Variants in ZFHX4 observed in about 807,000 individuals in gnomAD.
ZFHX4 encodes the protein zinc finger homeobox protein 4.
ZFHX4 carries 56 observed loss-of-function variants against 267.6 expected under a neutral mutation model. The ratio of observed to expected loss-of-function variants is 0.21; its 90% CI spans 0.17 to 0.26. The LOEUF is 0.26. ZFHX4 is among the 10% of genes least tolerant of loss of function. The pLI is 1.00. For missense variants in ZFHX4, 4,332 were observed against 4,420.0 expected, an observed-to-expected ratio of 0.98 and a Z score of 0.56; for synonymous variants, 1,778 against 1,665.6, an observed-to-expected ratio of 1.07 and a Z score of -1.64.
At chr8:76,817,790 A>G (rs1811544845) in intron 4 of ZFHX4, among the ~76,000 whole-genome samples, 1 of 152,230 alleles carries the variant, frequency 6.6e-6, no homozygotes, top group Admixed American at 6.5e-5. Context: ...TTGAGCAAGA[A>G]TACCAGATAC....
At chr8:76,694,933 C>A (rs1381810763) in intron 1 of ZFHX4, among the ~76,000 whole-genome samples, 2 of 151,654 alleles carry the variant, frequency 1.3e-5, no homozygotes, top group East Asian at 3.9e-4. Flanking sequence ...GTCATCAGCT[C>A]ATTTGTCATG....
intron 5 of ZFHX4, chr8:76,833,630 C>T (rs572861871): frequency 3.4e-5 from 15 of 446,384 alleles, no homozygotes; most frequent in African/African-American, 2.9e-4. Context: ...CAGCAAATTT[C>T]CCCAATACCC....
chr8:76,864,628 C>A lies in ZFHX4; in HGVS notation c.*63C>A. On this transcript the variant is annotated 3_prime_UTR_variant, in exon 11 of 11. Coordinates refer to ENST00000651372, the MANE Select transcript of ZFHX4 (RefSeq NM_024721.5). Reference sequence around the variant, plus strand: ...ATAAAAAAATAAAAAAAAAATAAGACTTTAACTGCAGTTCCAAAGCTTCTC... The same window carrying A: ...ATAAAAAAATAAAAAAAAAATAAGAATTTAACTGCAGTTCCAAAGCTTCTC... 8.1e-7 allele frequency: 1 copy of A among 1,237,384 alleles called. No individual in the cohort carries two copies. Among genetic ancestry groups the A allele is most frequent in the Non-Finnish European group, 1.1e-6 (1 of 924,456 alleles). The allele number at this position is 1,237,384 out of a possible 1,614,324, so 76.7% of individuals were successfully genotyped here.
intron 4 of ZFHX4, among the ~76,000 whole-genome samples, chr8:76,823,539 T>A (rs545025335): frequency 1.3e-5 from 2 of 152,212 alleles, no homozygotes; most frequent in Admixed American, 6.5e-5. Context: ...TTCACTAACT[T>A]TTCCTTTCCA....
chr8:76,740,062 G>A (rs886572199), intron 3 of ZFHX4, among the ~76,000 whole-genome samples: 2 of 152,118 alleles, frequency 1.3e-5, no homozygotes, highest in Admixed American at 6.6e-5. Flanking sequence ...TTTATATATG[G>A]TGTATATGGC....
intron 5 of ZFHX4, among the ~76,000 whole-genome samples, chr8:76,838,360 A>G (rs1812146125): frequency 6.6e-6 from 1 of 152,216 alleles, no homozygotes; most frequent in Non-Finnish European, 1.5e-5. Flanking sequence ...CCAAGCACTA[A>G]GTGTTATGTA....
At chr8:76,707,415 C>T (rs1674586298) in intron 2 of ZFHX4, 131 bp from the exon 3 acceptor site, 1 of 794,012 alleles carries the variant, frequency 1.3e-6, no homozygotes, top group African/African-American at 1.7e-5. Flanking sequence ...CTGATTGAAT[C>T]CTATTACAGC....
intron 1 of ZFHX4, among the ~76,000 whole-genome samples, chr8:76,689,893 A>G (rs916118092): frequency 6.6e-6 from 1 of 152,118 alleles, no homozygotes; most frequent in Non-Finnish European, 1.5e-5. Context: ...TAACCACTTT[A>G]ACATTCTAGA....
chr8:76,856,037 T>C lies in ZFHX4; in HGVS notation c.9116T>C (p.Val3039Ala). 3.1e-6 allele frequency: 5 copies of C among 1,613,986 alleles called. No homozygotes were observed. The highest frequency in any genetic ancestry group is 4.2e-6 in the Non-Finnish European group (5 of 1,179,888). Residue 3039 changes from valine (V) to alanine (A), a missense_variant, in exon 10 of 11, where the codon GTT becomes GCT. Transcript: ENST00000651372. ...KQHISKVRET[V>A]GSQLDREKDY... ...CACATTTCAAAAGTGAGGGAGACCGTTGGCAGTCAGCTCGATCGGGAGAAA... is the reference window on the plus strand; with the variant it reads ...CACATTTCAAAAGTGAGGGAGACCGCTGGCAGTCAGCTCGATCGGGAGAAA...
chr8:76,837,508 C>A (rs889639418), intron 5 of ZFHX4, among the ~76,000 whole-genome samples: 8 of 147,766 alleles, frequency 5.4e-5, no homozygotes, highest in Non-Finnish European at 7.5e-5. Context: ...AAAAAAAAAA[C>A]CAAAGCCAGA....
At chr8:76,785,637 A>G (rs1046511535) in intron 4 of ZFHX4, among the ~76,000 whole-genome samples, 1 of 152,148 alleles carries the variant, frequency 6.6e-6, no homozygotes, top group African/African-American at 2.4e-5. Flanking sequence ...CAAAAATTAC[A>G]ATGATTATAG....
chr8:76,855,090 C>A lies in ZFHX4; in HGVS notation c.8169C>A (p.Ser2723Arg), dbSNP rs780344164. Reference protein sequence around the residue: ...PLISTEDGGESPQKYIYFDYP... With the variant: ...PLISTEDGGERPQKYIYFDYP... The stretch of plus-strand genomic sequence containing the variant: ...TATCCACCGAAGATGGGGGAGAAAG[C>A]CCACAGAAATACATCTATTTTGATT... The change falls in exon 10 of 11, where the codon AGC (serine) becomes AGA (arginine). Residue 2723 changes from serine (S) to arginine (R), a missense_variant. Ser to Arg is a moderately radical substitution (Grantham distance 110). Transcript: ENST00000651372. 2 of 1,613,800 alleles carry A rather than the reference C, an allele frequency of 1.2e-6. No individual in the cohort carries two copies. The highest frequency in any genetic ancestry group is 1.7e-6 in the Non-Finnish European group (2 of 1,179,806).
rs769051376 is a variant in ZFHX4, at chr8:76,852,593, T to C, written c.5672T>C (p.Leu1891Ser). 6 of 1,611,992 alleles carry C rather than the reference T, an allele frequency of 3.7e-6. No individual in the cohort carries two copies. The Admixed American group carries it at 8.4e-5, about 23-fold the overall frequency. Residue 1891 changes from leucine (L) to serine (S), a missense_variant, in exon 10 of 11, where the codon TTG becomes TCG. This residue lies in a region of ZFHX4 where 1,371 missense variants were observed against 1,423.1 expected (regional missense o/e 0.96). Coordinates refer to ENST00000651372, the MANE Select transcript of ZFHX4 (RefSeq NM_024721.5). ...AAAGACACAAAGAAGCAAAAATCCT[T>C]GGAACCATCCATCCCACCACCCCGA... is the stretch of plus-strand genomic sequence containing the variant. The part of the protein sequence containing the change: ...EGKDTKKQKS[L>S]EPSIPPPRIA...
chr8:76,770,789 G>T (rs997897556), intron 3 of ZFHX4, among the ~76,000 whole-genome samples: 5 of 152,074 alleles, frequency 3.3e-5, no homozygotes, highest in Non-Finnish European at 5.9e-5. Context: ...AGGGGGGAAG[G>T]TAAATTGTCA....
At chr8:76,797,416 G>A (rs1490525475) in intron 4 of ZFHX4, among the ~76,000 whole-genome samples, 1 of 152,060 alleles carries the variant, frequency 6.6e-6, no homozygotes, top group Non-Finnish European at 1.5e-5. Context: ...TGAATCCAAA[G>A]CTCCTGTTCT....
At chr8:76,716,696 T>C (rs1808584544) in intron 3 of ZFHX4, among the ~76,000 whole-genome samples, 1 of 152,178 alleles carries the variant, frequency 6.6e-6, no homozygotes. Context: ...GGTAGGTTTG[T>C]GCACATGAAT....
chr8:76,851,270 A>T lies in ZFHX4; in HGVS notation c.4349A>T (p.Glu1450Val). The stretch of plus-strand genomic sequence containing the variant: ...AAACACTTGGAAGCAGGCCACCCTG[A>T]ACTGAGTGAAGCTGAACTTCAACAG... ...LKKHLEAGHP[E>V]LSEAELQQLY... The change falls in exon 10 of 11, where the codon GAA (glutamate) becomes GTA (valine). Residue 1450 changes from glutamate to valine, a missense_variant. Glu to Val is a moderately radical substitution (Grantham distance 121). This residue lies in a region of ZFHX4 where 1,371 missense variants were observed against 1,423.1 expected (regional missense o/e 0.96). Transcript: ENST00000651372. The T allele has an allele frequency of 6.2e-7, 1 of 1,613,856 alleles. No homozygotes were observed.
At position 76,825,322 on chromosome 8, in the gene ZFHX4, A is replaced by C. The variant is rs146374782; in HGVS notation, c.3326-8016A>C. On this transcript the variant is annotated intron_variant, in intron 4 of 10. Transcript: ENST00000651372. ...TTCCACTTTCACATATAGAATCCTG[A>C]ATGTCAGGGAAGTTAAGTAACTTGG... is the stretch of plus-strand genomic sequence containing the variant. Among the ~76,000 whole-genome samples, 1,363 of 152,312 alleles carry C rather than the reference A, an allele frequency of 8.9e-3. 5 individuals are homozygous for C. Among genetic ancestry groups the C allele is most frequent in the Non-Finnish European group, 0.015 (1,008 of 68,028 alleles).
chr8:76,712,843 G>C (rs910680522), intron 3 of ZFHX4, among the ~76,000 whole-genome samples: 1 of 151,564 alleles, frequency 6.6e-6, no homozygotes, highest in Non-Finnish European at 1.5e-5. Flanking sequence ...CCAGTTGCAG[G>C]ATTTGTTTTA....
Sources: allele counts gnomAD v4.1 joint callset (sites outside exome capture counted in the v4.1 genomes callset), GRCh38; gene constraint gnomAD v4.1.1; regional missense constraint gnomAD v4.1.1; transcripts MANE v1.5; gene names NCBI Gene and HGNC (gene_info 2026-07-23, HGNC 2026-07-21).